The following ATL1 variants were observed in gnomAD, a reference collection of about 807,000 sequenced individuals.
ATL1 encodes the protein atlastin GTPase 1.
Under a neutral mutation model 75.5 loss-of-function variants are expected in ATL1, and 31 were observed. The observed-to-expected ratio is 0.41, with a 90% CI of 0.31 to 0.55. The LOEUF (loss-of-function observed/expected upper bound fraction) is 0.55. ATL1 is among the 20% of genes least tolerant of loss of function. The probability of loss-of-function intolerance (pLI) is 0.27; values close to 1 mark genes in which losing one functional copy is unlikely to be tolerated. For synonymous variants in ATL1, 226 were observed against 233.3 expected (o/e 0.97, Z 0.28); for missense variants, 405 against 662.6 (o/e 0.61, Z 4.27).
intron 1 of ATL1, among the ~76,000 whole-genome samples, chr14:50,563,750 G>C (rs1290864963): frequency 1.3e-5 from 2 of 152,216 alleles, no homozygotes; most frequent in African/African-American, 4.8e-5. Context: ...ACCATACCCA[G>C]AGATAAAACT....
intron 1 of ATL1, among the ~76,000 whole-genome samples, chr14:50,546,291 A>G (rs1490248747): frequency 6.6e-6 from 1 of 152,216 alleles, no homozygotes; most frequent in African/African-American, 2.4e-5. Flanking sequence ...AATGATATGG[A>G]TCCAGTTATC....
chr14:50,555,443 G>A (rs1042662989), upstream of ATL1, among the ~76,000 whole-genome samples: 2 of 152,012 alleles, frequency 1.3e-5, no homozygotes, highest in Non-Finnish European at 2.9e-5. Context: ...CACCCGTCCC[G>A]GCTAATTTTT....
chr14:50,582,733 C>T (rs2039068541), intron 1 of ATL1, among the ~76,000 whole-genome samples: 1 of 151,840 alleles, frequency 6.6e-6, no homozygotes. Flanking sequence ...GCTGCTAATT[C>T]ATTTTATAAA....
chr14:50,536,410 T>C (rs1351204638), intron 1 of ATL1, among the ~76,000 whole-genome samples: 1 of 140,052 alleles, frequency 7.1e-6, no homozygotes. Context: ...CACTCCAGCC[T>C]GGGCAACAAG....
chr14:50,534,111 A>G (rs1484412237), intron 1 of ATL1, among the ~76,000 whole-genome samples: 1 of 152,210 alleles, frequency 6.6e-6, no homozygotes, highest in Non-Finnish European at 1.5e-5. Context: ...TTACTGTCAT[A>G]GATTCATTTG....
chr14:50,601,037 G>A (rs770598509), intron 6 of ATL1, among the ~76,000 whole-genome samples: 1 of 152,148 alleles, frequency 6.6e-6, no homozygotes, highest in Admixed American at 6.5e-5. Context: ...GAGCCCTGGC[G>A]TTTGAGGCTG....
At chr14:50,547,845 C>T (rs1187270193) in intron 1 of ATL1, among the ~76,000 whole-genome samples, 2 of 152,180 alleles carry the variant, frequency 1.3e-5, no homozygotes, top group African/African-American at 4.8e-5. Flanking sequence ...GACCAGTTTG[C>T]CTTCACTTGG....
chr14:50,561,597 T>C (rs2038846296), intron 1 of ATL1, among the ~76,000 whole-genome samples: 1 of 152,200 alleles, frequency 6.6e-6, no homozygotes, highest in South Asian at 2.1e-4. Context: ...TCCTTGCCTC[T>C]GATTGTTCTA....
At chr14:50,555,036 C>T (rs1419822246) in intron 1 of ATL1, among the ~76,000 whole-genome samples, 1 of 152,154 alleles carries the variant, frequency 6.6e-6, no homozygotes, top group African/African-American at 2.4e-5. Flanking sequence ...GTATATTTAT[C>T]AATGAGGTGG....
chr14:50,608,653 T>C (rs1016524441), intron 6 of ATL1, among the ~76,000 whole-genome samples: 1 of 151,906 alleles, frequency 6.6e-6, no homozygotes, highest in Non-Finnish European at 1.5e-5. Flanking sequence ...TTATTTTGAA[T>C]TGGGAAGATG....
intron 13 of ATL1, chr14:50,630,789 G>A (rs1315352995): frequency 3.1e-6 from 1 of 320,704 alleles, no homozygotes; most frequent in Non-Finnish European, 6.1e-6. Context: ...CAGTAAGCAA[G>A]TTCATTAAAA....
intron 8 of ATL1, among the ~76,000 whole-genome samples, chr14:50,619,577 TTTTCTATATTAC>T (rs1356656892): frequency 2.0e-5 from 3 of 152,188 alleles, no homozygotes; most frequent in African/African-American, 7.2e-5. Context: ...TCGTGATCTG[TTTTCTATATTAC>T]TTTGCTAAGT....
At chr14:50,546,487 TCA>T (rs1304489748) in intron 1 of ATL1, among the ~76,000 whole-genome samples, 1 of 152,176 alleles carries the variant, frequency 6.6e-6, no homozygotes, top group Non-Finnish European at 1.5e-5. Flanking sequence ...AAATGAGTAC[TCA>T]CACATTAAGG....
chr14:50,560,764 G>A (rs1442835407), intron 1 of ATL1, among the ~76,000 whole-genome samples: 1 of 152,226 alleles, frequency 6.6e-6, no homozygotes, highest in Non-Finnish European at 1.5e-5. Flanking sequence ...TGGCTCTGCA[G>A]GGCGCGGGCT....
intron 6 of ATL1, among the ~76,000 whole-genome samples, chr14:50,598,614 C>T (rs981740536): frequency 1.1e-4 from 16 of 152,104 alleles, no homozygotes; most frequent in East Asian, 3.9e-4. Flanking sequence ...CTGCCCGCCT[C>T]GGCCTCCGAA....
At chr14:50,592,072 A>G (rs892131389) in intron 4 of ATL1, among the ~76,000 whole-genome samples, 1 of 152,200 alleles carries the variant, frequency 6.6e-6, no homozygotes, top group Non-Finnish European at 1.5e-5. Context: ...CATAGCTTTT[A>G]AAAACACCTT....
intron 6 of ATL1, among the ~76,000 whole-genome samples, chr14:50,598,518 G>A (rs1028662243): frequency 2.0e-5 from 3 of 151,916 alleles, no homozygotes; most frequent in African/African-American, 7.3e-5. Context: ...CCGCCATCAT[G>A]CCCAGCTAAT....
intron 12 of ATL1, among the ~76,000 whole-genome samples, chr14:50,629,285 TAAGAACATACTTATGGCCA>T (rs2039554126): frequency 6.6e-6 from 1 of 152,104 alleles, no homozygotes. Context: ...CTTCCAGCAT[TAAGAACATACTTATGGCCA>T]GGTGCGGTGG....
intron 1 of ATL1, among the ~76,000 whole-genome samples, chr14:50,567,831 T>C (rs140132502): frequency 6.2e-4 from 94 of 152,362 alleles, no homozygotes; most frequent in African/African-American, 2.1e-3. Context: ...CTTCATCTCA[T>C]TGTGGTTGAA....
Sources: gnomAD v4.1 joint callset for allele counts (sites outside exome capture counted in the v4.1 genomes callset) on GRCh38, gnomAD v4.1.1 for gene constraint, MANE v1.5 for transcripts, NCBI Gene and HGNC (gene_info 2026-07-23, HGNC 2026-07-21) for gene names.